PCDH11X: variants seen among roughly 807,000 people sequenced by gnomAD.
The protein encoded by PCDH11X is protocadherin 11 X-linked, also known as protocadherin-11 X-linked.
Under a neutral mutation model 53.3 loss-of-function variants are expected in PCDH11X, and 18 were observed. The observed-to-expected ratio is 0.34, with a 90% CI of 0.23 to 0.50. The LOEUF is 0.50. PCDH11X is among the 20% of genes least tolerant of loss of function. The pLI is 0.98. For synonymous variants in PCDH11X, 279 were observed against 393.3 expected (o/e 0.71, Z 3.44); for missense variants, 570 against 1,032.4 (o/e 0.55, Z 6.14).
intron 5 of PCDH11X, among the ~76,000 whole-genome samples, chrX:91,871,979 A>G (rs1163272153): frequency 9.0e-6 from 1 of 111,177 alleles, no homozygotes; most frequent in African/African-American, 3.3e-5. Flanking sequence ...ACTAGAGATC[A>G]ATGCCATTTC....
intron 6 of PCDH11X, among the ~76,000 whole-genome samples, chrX:92,042,634 C>CTTTTTT (rs3865918): frequency 3.4e-5 from 2 of 59,172 alleles, no homozygotes; most frequent in Non-Finnish European, 2.8e-5. Context: ...AAAGTTGTTG[C>CTTTTTT]TTTTTTTTTT....
Position 92,371,126 on chromosome X carries a change from G to A in PCDH11X, c.3145-16609G>A, listed in dbSNP as rs756530413. 3.6e-5 allele frequency among the ~76,000 whole-genome samples: 4 copies of A among 111,698 alleles called. No individual in the cohort carries two copies. In the East Asian group the frequency reaches 1.1e-3, roughly 32 times the overall value. ...TTCTAACATGAGTCTATTGTAGGCAGTACATACTTAGTTCCTGGTTATTCA... is the reference window on the plus strand; with the variant it reads ...TTCTAACATGAGTCTATTGTAGGCAATACATACTTAGTTCCTGGTTATTCA... On this transcript the variant is annotated intron_variant, in intron 8 of 10. Coordinates refer to ENST00000682573, the MANE Select transcript of PCDH11X (RefSeq NM_032968.5).
chrX:92,108,967 AG>A (rs2064444386), intron 6 of PCDH11X, among the ~76,000 whole-genome samples: 1 of 111,999 alleles, frequency 8.9e-6, no homozygotes, highest in South Asian at 3.7e-4. Context: ...TATTAAGACC[AG>A]GGGGACTGCA....
chrX:92,327,044 A>G (rs4344248), intron 8 of PCDH11X, among the ~76,000 whole-genome samples: 28,099 of 107,584 alleles, frequency 0.26, 3,119 homozygotes, highest in Non-Finnish European at 0.32. Flanking sequence ...GCATGCTTTC[A>G]AAGGCCATAT....
intron 8 of PCDH11X, among the ~76,000 whole-genome samples, chrX:92,304,613 C>T (rs2068787840): frequency 9.0e-6 from 1 of 111,571 alleles, no homozygotes; most frequent in Non-Finnish European, 1.9e-5. Flanking sequence ...TAGGGAATAT[C>T]TAGCTTGCCT....
intron 6 of PCDH11X, among the ~76,000 whole-genome samples, chrX:92,013,616 C>T (rs1320832274): frequency 2.7e-5 from 3 of 111,432 alleles, no homozygotes; most frequent in Non-Finnish European, 3.8e-5. Context: ...GGCATCACAC[C>T]ACCTGACTTC....
intron 9 of PCDH11X, among the ~76,000 whole-genome samples, chrX:92,415,702 T>C (rs970258554): frequency 9.0e-6 from 1 of 111,358 alleles, no homozygotes; most frequent in African/African-American, 3.3e-5. Flanking sequence ...TAATAATTTG[T>C]TGTGTTTATA....
rs187170612 is a variant in PCDH11X at position 92,032,050 on chromosome X, G to A, written c.3033+152777G>A. ...TTATTGGTATTCTTTTAGGGATTGCGTTGAATCTGGAGATTGCATTGAGTA... is the reference window on the plus strand; with the variant it reads ...TTATTGGTATTCTTTTAGGGATTGCATTGAATCTGGAGATTGCATTGAGTA... On this transcript the variant is annotated intron_variant, in intron 6 of 10. Coordinates refer to ENST00000682573, the MANE Select transcript of PCDH11X (RefSeq NM_032968.5). Among the ~76,000 whole-genome samples, 173 of 111,750 alleles carry A rather than the reference G, an allele frequency of 1.5e-3. 1 individual carries two copies. The highest frequency in any genetic ancestry group is 4.7e-3 in the Middle Eastern group (1 of 214).
intron 6 of PCDH11X, among the ~76,000 whole-genome samples, chrX:91,999,778 A>G (rs979910154): frequency 1.5e-4 from 16 of 110,076 alleles, no homozygotes; most frequent in African/African-American, 5.3e-4. Flanking sequence ...TATTCCAACA[A>G]TCTAGCATGG....
chrX:92,213,013 A>C (rs2066620635), intron 7 of PCDH11X, among the ~76,000 whole-genome samples: 1 of 112,229 alleles, frequency 8.9e-6, no homozygotes, highest in African/African-American at 3.2e-5. Flanking sequence ...TTCAAAGCTT[A>C]ATCTGGGAAC....
chrX:92,444,982 A>C (rs2072602532), intron 9 of PCDH11X, among the ~76,000 whole-genome samples: 1 of 95,484 alleles, frequency 1.0e-5, no homozygotes, highest in African/African-American at 3.7e-5. Context: ...GAGGATTTTC[A>C]TGTCTGTGTT....
At chrX:92,546,677 CA>C (rs2074860679) in intron 10 of PCDH11X, among the ~76,000 whole-genome samples, 1 of 111,414 alleles carries the variant, frequency 9.0e-6, no homozygotes, top group South Asian at 3.8e-4. Context: ...AGTTTACATT[CA>C]TATTAGGAAC....
At chrX:91,807,324 G>C (rs1936151231) in intron 1 of PCDH11X, among the ~76,000 whole-genome samples, 2 of 110,110 alleles carry the variant, frequency 1.8e-5, no homozygotes, top group African/African-American at 6.6e-5. Flanking sequence ...CAACCGGGGT[G>C]ACAAAGCGAA....
At chrX:92,366,043 AT>A (rs1280009273) in intron 8 of PCDH11X, among the ~76,000 whole-genome samples, 3 of 110,356 alleles carry the variant, frequency 2.7e-5, no homozygotes, top group African/African-American at 9.9e-5. Context: ...GTTTGGAATA[AT>A]TTCAGAAGGA....
chrX:92,306,720 T>C (rs1336942247), intron 8 of PCDH11X, among the ~76,000 whole-genome samples: 1 of 110,114 alleles, frequency 9.1e-6, no homozygotes, highest in Non-Finnish European at 1.9e-5. Flanking sequence ...GGTGGGCAGA[T>C]CACAAGGTCA....
rs945381860 is a variant in PCDH11X at position 91,999,830 on chromosome X, A to G, written c.3033+120557A>G. On this transcript the variant is annotated intron_variant, in intron 6 of 10. Transcript: ENST00000682573. ...ATTGTTTCTTCTTTATCCCTACCAA[A>G]CTGTATGTCCTTGGATTAAGGCTAC... Among the ~76,000 whole-genome samples the G allele has an allele frequency of 2.7e-5, 3 of 111,072 alleles. No homozygotes were observed. The Admixed American group carries it at 2.9e-4, about 11-fold the overall frequency.
chrX:92,217,787 G>A (rs2066755093), intron 7 of PCDH11X, among the ~76,000 whole-genome samples: 1 of 111,167 alleles, frequency 9.0e-6, no homozygotes, highest in Admixed American at 9.6e-5. Context: ...TTCCAAAATT[G>A]ACCACATAGT....
intron 9 of PCDH11X, among the ~76,000 whole-genome samples, chrX:92,436,217 GA>G: frequency 9.3e-6 from 1 of 107,120 alleles, no homozygotes; most frequent in Non-Finnish European, 1.9e-5. Flanking sequence ...GCAGGCATAT[GA>G]AAAAAATCTC....
chrX:92,037,916 TC>T lies in PCDH11X; in HGVS notation c.3033+158644del, dbSNP rs1273535278. ...TATTTGTGGGTTTTTTTTTTTTTTTTCGTAACTGTGTGAGTTCCTTGTAGAT... is the reference window on the plus strand; with the variant it reads ...TATTTGTGGGTTTTTTTTTTTTTTTTGTAACTGTGTGAGTTCCTTGTAGAT... On this transcript the variant is annotated intron_variant, in intron 6 of 10. Coordinates refer to ENST00000682573, the MANE Select transcript of PCDH11X (RefSeq NM_032968.5). Among the ~76,000 whole-genome samples the T allele has an allele frequency of 1.8e-4, 19 of 104,693 alleles. 1 individual carries two copies. The highest frequency in any genetic ancestry group is 1.5e-3 in the Admixed American group (15 of 9,808). The allele number at this position is 104,693 out of a possible 115,157, so 90.9% of individuals were successfully genotyped here. A position where few individuals can be genotyped will look rare whatever the true frequency, so the allele number is the denominator to read the frequency against.
Sources: allele counts gnomAD v4.1 joint callset (sites outside exome capture counted in the v4.1 genomes callset), GRCh38; gene constraint gnomAD v4.1.1; transcripts MANE v1.5; gene names NCBI Gene and HGNC (gene_info 2026-07-23, HGNC 2026-07-21).